Variants in HS3ST4 observed in about 807,000 individuals in gnomAD.
HS3ST4 encodes heparan sulfate-glucosamine 3-sulfotransferase 4.
A neutral mutation model predicts 29.2 loss-of-function variants in HS3ST4; 17 were observed. The observed-to-expected ratio is 0.58, with a 90% CI of 0.40 to 0.87. The LOEUF is 0.87. Ranked by LOEUF, HS3ST4 falls within the 40% of genes least tolerant of loss-of-function variation. HS3ST4 has a pLI of 0.00. For missense variants in HS3ST4, 627 were observed against 634.5 expected, an observed-to-expected ratio of 0.99 and a Z score of 0.13; for synonymous variants, 314 against 285.7, an observed-to-expected ratio of 1.10 and a Z score of -1.00.
intron 1 of HS3ST4, among the ~76,000 whole-genome samples, chr16:25,916,930 C>T (rs532876654): frequency 1.8e-4 from 28 of 152,144 alleles, no homozygotes; most frequent in East Asian, 9.7e-4. Context: ...CCACCCGTCT[C>T]GGCCTCTCAA....
intron 1 of HS3ST4, among the ~76,000 whole-genome samples, chr16:25,868,270 G>A (rs1381218236): frequency 1.3e-5 from 2 of 152,022 alleles, no homozygotes; most frequent in Non-Finnish European, 2.9e-5. Flanking sequence ...GAACTTTGGC[G>A]GCTGCAGCGA....
intron 1 of HS3ST4, among the ~76,000 whole-genome samples, chr16:25,797,629 C>T (rs1301181636): frequency 6.6e-6 from 1 of 152,168 alleles, no homozygotes; most frequent in East Asian, 1.9e-4. Flanking sequence ...TCATTTCCTT[C>T]TGAAGCTTCC....
intron 1 of HS3ST4, among the ~76,000 whole-genome samples, chr16:25,823,384 T>A (rs1967182397): frequency 6.6e-6 from 1 of 152,150 alleles, no homozygotes; most frequent in African/African-American, 2.4e-5. Flanking sequence ...AATGACTGCT[T>A]ATTTGTCCAA....
intron 1 of HS3ST4, among the ~76,000 whole-genome samples, chr16:25,778,160 C>T (rs4787334): frequency 0.16 from 23,552 of 151,866 alleles, 2,513 homozygotes; most frequent in East Asian, 0.45. Context: ...ATTTTTTCTA[C>T]AAAATCTGGA....
At chr16:26,063,406 T>C (rs572865263) in intron 1 of HS3ST4, among the ~76,000 whole-genome samples, 1 of 151,744 alleles carries the variant, frequency 6.6e-6, no homozygotes, top group South Asian at 2.1e-4. Flanking sequence ...AGAAAATGAG[T>C]CTGGGCATGG....
At chr16:26,082,179 T>A (rs1331879622) in intron 1 of HS3ST4, among the ~76,000 whole-genome samples, 1 of 152,178 alleles carries the variant, frequency 6.6e-6, no homozygotes, top group Non-Finnish European at 1.5e-5. Context: ...TATGGAGATG[T>A]GTTCTGGGCA....
intron 1 of HS3ST4, among the ~76,000 whole-genome samples, chr16:25,849,582 C>T (rs930894063): frequency 1.3e-5 from 2 of 152,170 alleles, no homozygotes; most frequent in Admixed American, 1.3e-4. Context: ...CTGCAGCCTC[C>T]ACCTCCCAGG....
At chr16:25,985,528 A>C (rs1442465720) in intron 1 of HS3ST4, among the ~76,000 whole-genome samples, 1 of 152,098 alleles carries the variant, frequency 6.6e-6, no homozygotes, top group East Asian at 1.9e-4. Flanking sequence ...TTTCACCCTT[A>C]AGCTTCCATA....
intron 1 of HS3ST4, among the ~76,000 whole-genome samples, 196 bp from the exon 2 acceptor site, chr16:26,135,416 G>A (rs942618351): frequency 4.6e-5 from 7 of 152,188 alleles, no homozygotes; most frequent in Non-Finnish European, 8.8e-5. Context: ...TATATGCCTT[G>A]TGTTGCCTTT....
At chr16:25,776,561 C>T (rs1249267198) in intron 1 of HS3ST4, among the ~76,000 whole-genome samples, 1 of 152,160 alleles carries the variant, frequency 6.6e-6, no homozygotes, top group Non-Finnish European at 1.5e-5. Flanking sequence ...TTGTTAGGAC[C>T]TCCTGAGGCT....
chr16:26,007,550 A>C (rs1338827578), intron 1 of HS3ST4, among the ~76,000 whole-genome samples: 1 of 152,192 alleles, frequency 6.6e-6, no homozygotes, highest in Non-Finnish European at 1.5e-5. Context: ...GGAATTCAGT[A>C]CTTATTGCTG....
intron 1 of HS3ST4, among the ~76,000 whole-genome samples, chr16:26,004,075 A>C (rs768595325): frequency 6.6e-6 from 1 of 152,090 alleles, no homozygotes; most frequent in African/African-American, 2.4e-5. Flanking sequence ...ATATATTTAC[A>C]GTCGTTTCAG....
intron 1 of HS3ST4, among the ~76,000 whole-genome samples, chr16:25,814,039 T>G (rs1326255748): frequency 6.6e-6 from 1 of 152,178 alleles, no homozygotes; most frequent in African/African-American, 2.4e-5. Context: ...AATATTTATC[T>G]ATGATGAGTA....
chr16:26,038,654 T>TTGTGTATG (rs1555479962), intron 1 of HS3ST4, among the ~76,000 whole-genome samples: 1 of 149,634 alleles, frequency 6.7e-6, no homozygotes, highest in African/African-American at 2.5e-5. Context: ...TTTTTTTTAA[T>TTGTGTATG]TATGTATGTA....
intron 1 of HS3ST4, among the ~76,000 whole-genome samples, chr16:26,116,762 C>G (rs1410634695): frequency 1.3e-5 from 2 of 152,144 alleles, no homozygotes; most frequent in Admixed American, 6.5e-5. Context: ...TCTACTTATT[C>G]ATGAAGTACA....
At position 25,991,378 on chromosome 16, in the gene HS3ST4, T is replaced by C. The variant is rs1969112463; in HGVS notation, c.735-144234T>C. Among the ~76,000 whole-genome samples the C allele has an allele frequency of 2.0e-5, 3 of 152,334 alleles. 1 individual carries two copies. The Middle Eastern group carries it at 0.01, about 518-fold the overall frequency. On this transcript the variant is annotated intron_variant, in intron 1 of 1. Transcript: ENST00000331351. ...CACGTTTAATCACTTTATTTCTGTG[T>C]TGACACCTACTGAAAGAAAAAAAGA...
chr16:26,006,863 C>T (rs1160684644), intron 1 of HS3ST4, among the ~76,000 whole-genome samples: 1 of 152,208 alleles, frequency 6.6e-6, no homozygotes, highest in East Asian at 1.9e-4. Flanking sequence ...GTTAACTTTA[C>T]AAACGTGGTT....
chr16:25,840,923 T>C (rs1276349930), intron 1 of HS3ST4, among the ~76,000 whole-genome samples: 1 of 152,190 alleles, frequency 6.6e-6, no homozygotes, highest in Non-Finnish European at 1.5e-5. Flanking sequence ...AAGACTCTCA[T>C]AGTTGGCCAA....
At chr16:25,739,612 A>G (rs1008268431) in intron 1 of HS3ST4, among the ~76,000 whole-genome samples, 1 of 152,194 alleles carries the variant, frequency 6.6e-6, no homozygotes, top group East Asian at 1.9e-4. Context: ...AGGAGCGATG[A>G]CACTGTTCAT....
Sources: gnomAD v4.1 joint callset for allele counts (sites outside exome capture counted in the v4.1 genomes callset) on GRCh38, gnomAD v4.1.1 for gene constraint, MANE v1.5 for transcripts, NCBI Gene and HGNC (gene_info 2026-07-23, HGNC 2026-07-21) for gene names.